ANO2: variants seen among roughly 807,000 people sequenced by gnomAD.
ANO2 encodes the protein anoctamin-2.
In ANO2, 101 loss-of-function variants were observed where a neutral mutation model predicts 124.2. That is an observed-to-expected ratio of 0.81 (90% CI 0.69 to 0.96). The LOEUF is 0.96. ANO2 is among the 40% of genes least tolerant of loss of function. The pLI is 0.00. For synonymous variants in ANO2, 486 were observed against 482.5 expected (o/e 1.01, Z -0.09); for missense variants, 1,293 against 1,274.5 (o/e 1.01, Z -0.22).
rs143240324 is a variant in ANO2, at chr12:5,945,119, T to C, written c.22+77A>G. ...GGTCCCCAATCCCGAAGGGTGGGAGTTCGGATGCCGCCTCCTTCACTCCCT... is the reference window on the plus strand; with the variant it reads ...GGTCCCCAATCCCGAAGGGTGGGAGCTCGGATGCCGCCTCCTTCACTCCCT... On this transcript the variant is annotated intron_variant, in intron 1 of 24. Coordinates refer to ENST00000682330, the MANE Select transcript of ANO2 (RefSeq NM_001364791.2). 740 of 1,246,956 alleles carry C rather than the reference T, an allele frequency of 5.9e-4. 3 individuals are homozygous for C. In the African/African-American group the frequency reaches 6.2e-3, roughly 10 times the overall value. The allele number at this position is 1,246,956 out of a possible 1,614,324, so 77.2% of individuals were successfully genotyped here.
intron 16 of ANO2, among the ~76,000 whole-genome samples, chr12:5,625,367 T>TGA (rs57475041): frequency 8.9e-5 from 13 of 146,532 alleles, no homozygotes; most frequent in African/African-American, 2.3e-4. Flanking sequence ...ATCCTAGGGG[T>TGA]GAGAGAGAGA....
chr12:5,858,096 T>C (rs1955160721), intron 3 of ANO2, among the ~76,000 whole-genome samples: 1 of 152,232 alleles, frequency 6.6e-6, no homozygotes, highest in Non-Finnish European at 1.5e-5. Flanking sequence ...GAGGAATACC[T>C]TCCAGTGTTC....
intron 20 of ANO2, among the ~76,000 whole-genome samples, chr12:5,593,655 C>T (rs11609912): frequency 0.058 from 8,757 of 152,264 alleles, 344 homozygotes; most frequent in Non-Finnish European, 0.084. Flanking sequence ...ACAATAACAA[C>T]GGTGGCCAAT....
At chr12:5,698,027 G>A (rs1035291725) in intron 14 of ANO2, among the ~76,000 whole-genome samples, 3 of 152,348 alleles carry the variant, frequency 2.0e-5, no homozygotes, top group African/African-American at 4.8e-5. Context: ...CCACCTCTGG[G>A]GGCAGGGCAT....
intron 16 of ANO2, among the ~76,000 whole-genome samples, chr12:5,631,603 G>T (rs917034447): frequency 5.3e-5 from 8 of 152,214 alleles, no homozygotes; most frequent in African/African-American, 1.9e-4. Flanking sequence ...CAGAAACAGA[G>T]GGTGTGTGCC....
intron 10 of ANO2, among the ~76,000 whole-genome samples, chr12:5,791,368 C>G (rs902851213): frequency 6.6e-6 from 1 of 152,040 alleles, no homozygotes; most frequent in Non-Finnish European, 1.5e-5. Flanking sequence ...TGAACAGAGG[C>G]CCTGAGAGTG....
At chr12:5,933,529 G>A (rs372748810) in intron 1 of ANO2, among the ~76,000 whole-genome samples, 24 of 152,266 alleles carry the variant, frequency 1.6e-4, no homozygotes, top group African/African-American at 5.8e-4. Flanking sequence ...CAGGTGGGTA[G>A]GTGAATAAAT....
chr12:5,575,772 C>T lies in ANO2; in HGVS notation c.2621+62G>A, dbSNP rs12314571. On this transcript the variant is annotated intron_variant, in intron 23 of 24. Transcript: ENST00000682330. The stretch of plus-strand genomic sequence containing the variant: ...CAGGGTTGTAATTCTAGGTCGTCCC[C>T]GTAATTATTTGGATCTATTGCTTCT... 8.5e-4 allele frequency: 1,313 copies of T among 1,547,072 alleles called. 12 individuals carry two copies. In the African/African-American group the frequency reaches 0.015, roughly 18 times the overall value.
chr12:5,633,603 G>A (rs758735766), intron 16 of ANO2, among the ~76,000 whole-genome samples: 21 of 151,708 alleles, frequency 1.4e-4, no homozygotes, highest in Non-Finnish European at 2.5e-4. Context: ...AAAAAAACAC[G>A]TTCTGGTCAA....
chr12:5,937,468 T>C (rs1942698722), intron 1 of ANO2, among the ~76,000 whole-genome samples: 1 of 150,946 alleles, frequency 6.6e-6, no homozygotes. Context: ...TAACTTCTTA[T>C]CTGATACACA....
chr12:5,891,260 G>A (rs890374146), intron 3 of ANO2, among the ~76,000 whole-genome samples: 13 of 152,174 alleles, frequency 8.5e-5, no homozygotes, highest in African/African-American at 3.1e-4. Flanking sequence ...AAGAGTGGAA[G>A]GAAGCCCCCA....
intron 10 of ANO2, among the ~76,000 whole-genome samples, chr12:5,780,814 G>A (rs942626630): frequency 1.3e-5 from 2 of 151,492 alleles, no homozygotes; most frequent in African/African-American, 4.9e-5. Flanking sequence ...TTTTGAAGGA[G>A]GCCCTGAATA....
chr12:5,830,153 C>A (rs1954104730), intron 6 of ANO2, among the ~76,000 whole-genome samples: 1 of 152,172 alleles, frequency 6.6e-6, no homozygotes, highest in Non-Finnish European at 1.5e-5. Context: ...CTAACTAACA[C>A]CCGCACCAAC....
chr12:5,899,831 T>A (rs1157932997), intron 3 of ANO2, among the ~76,000 whole-genome samples: 1 of 152,210 alleles, frequency 6.6e-6, no homozygotes, highest in Non-Finnish European at 1.5e-5. Context: ...CATGGGTTTC[T>A]GCGTTTCTAC....
chr12:5,569,657 T>G (rs1364023227), intron 23 of ANO2, among the ~76,000 whole-genome samples: 11 of 152,126 alleles, frequency 7.2e-5, no homozygotes, highest in Admixed American at 7.2e-4. Flanking sequence ...TCCCAAAATG[T>G]GTATCCCAGC....
intron 22 of ANO2, among the ~76,000 whole-genome samples, chr12:5,576,308 G>A (rs1348373008): frequency 1.3e-5 from 2 of 152,206 alleles, no homozygotes; most frequent in African/African-American, 4.8e-5. Flanking sequence ...CCACTTCTGA[G>A]ATATCTAACA....
chr12:5,755,211 A>G (rs1951542347), intron 10 of ANO2, among the ~76,000 whole-genome samples: 1 of 151,796 alleles, frequency 6.6e-6, no homozygotes, highest in South Asian at 2.1e-4. Flanking sequence ...AATACTTTGA[A>G]TATATCATCC....
rs1207222546 is a variant in ANO2 at position 5,921,319 on chromosome 12, G to C, written c.255C>G (p.Ala85=). 1.2e-6 allele frequency: 2 copies of C among 1,613,968 alleles called. No homozygotes were observed. The change falls in exon 3 of 25, where the codon GCC becomes GCG. Residue 85 remains alanine (A), a synonymous_variant. Transcript: ENST00000682330. ...LDANEPVSLE[A]RLSRMHFHDS... ...CATGGAAGTGCATGCGGCTAAGACGGGCCTCCAAGGACACAGGCTCATTGG... is the reference window on the plus strand; with the variant it reads ...CATGGAAGTGCATGCGGCTAAGACGCGCCTCCAAGGACACAGGCTCATTGG...
intron 7 of ANO2, among the ~76,000 whole-genome samples, chr12:5,817,994 T>A (rs1953663392): frequency 6.6e-6 from 1 of 151,832 alleles, no homozygotes; most frequent in Non-Finnish European, 1.5e-5. Context: ...CCAACAACTA[T>A]CAGAAGATGG....
Sources: allele counts gnomAD v4.1 joint callset (sites outside exome capture counted in the v4.1 genomes callset), GRCh38; gene constraint gnomAD v4.1.1; transcripts MANE v1.5; gene names NCBI Gene and HGNC (gene_info 2026-07-23, HGNC 2026-07-21).